The following PHF20L1 variants were observed in gnomAD, a reference collection of about 807,000 sequenced individuals.
PHF20L1 encodes the protein PHD finger protein 20 like 1.
Under a neutral mutation model 125.5 loss-of-function variants are expected in PHF20L1, and 44 were observed. The observed-to-expected ratio is 0.35, with a 90% CI of 0.28 to 0.45. The LOEUF is 0.45. Among genes scored for constraint, PHF20L1 ranks in the 20% least tolerant of loss-of-function variants. The pLI, the probability that PHF20L1 is intolerant of heterozygous loss-of-function variation, is 1.00. For missense variants in PHF20L1, 1,012 were observed against 1,217.2 expected, an observed-to-expected ratio of 0.83 and a Z score of 2.51; for synonymous variants, 380 against 403.1, an observed-to-expected ratio of 0.94 and a Z score of 0.69.
Position 132,845,877 on chromosome 8 carries a change from T to C in PHF20L1, c.3008T>C (p.Ile1003Thr). The change falls in exon 21 of 21, where the codon ATT becomes ACT. Residue 1003 changes from isoleucine to threonine, a missense_variant. This residue lies in a region of PHF20L1 where 277 missense variants were observed against 283.6 expected (regional missense o/e 0.98). Transcript: ENST00000395386. ...QLKRHIKQLL[I>T]DMGKVQQIAT... ...AAACGCCACATAAAACAGCTCCTAATTGACATGGGCAAAGTACAGCAGATA... is the reference window on the plus strand; with the variant it reads ...AAACGCCACATAAAACAGCTCCTAACTGACATGGGCAAAGTACAGCAGATA... 6.2e-7 allele frequency: 1 copy of C among 1,612,610 alleles called. No individual in the cohort carries two copies. Among genetic ancestry groups the C allele is most frequent in the Non-Finnish European group, 8.5e-7 (1 of 1,178,930 alleles).
chr8:132,839,367 A>G lies in PHF20L1; in HGVS notation c.2192-20A>G, dbSNP rs1308444854. ...GAGTAAGTGCAGTCCTCTGTGATTT[A>G]ATATCAACTTCATCTGCAGGTCAGA... On this transcript the variant is annotated intron_variant, in intron 17 of 20. Transcript: ENST00000395386. The G allele has an allele frequency of 1.3e-6, 2 of 1,586,482 alleles. No individual in the cohort carries two copies. Among genetic ancestry groups the G allele is most frequent in the Admixed American group, 1.7e-5 (1 of 59,766 alleles).
chr8:132,831,220 T>C (rs1007477059), intron 14 of PHF20L1, among the ~76,000 whole-genome samples: 1 of 152,002 alleles, frequency 6.6e-6, no homozygotes, highest in African/African-American at 2.4e-5. Flanking sequence ...GGTAAAACTT[T>C]TTAAAAAAAG....
intron 15 of PHF20L1, among the ~76,000 whole-genome samples, chr8:132,832,776 A>C (rs1482068333): frequency 2.6e-5 from 4 of 152,148 alleles, no homozygotes; most frequent in Non-Finnish European, 5.9e-5. Flanking sequence ...AACTCTAACC[A>C]AGGTCTGTCT....
chr8:132,839,899 T>C (rs1837756204), intron 18 of PHF20L1, among the ~76,000 whole-genome samples: 1 of 152,118 alleles, frequency 6.6e-6, no homozygotes, highest in African/African-American at 2.4e-5. Flanking sequence ...GTGAACCCTA[T>C]ACGTTGTGTC....
At chr8:132,797,160 T>A (rs1235878613) in intron 4 of PHF20L1, among the ~76,000 whole-genome samples, 2 of 152,038 alleles carry the variant, frequency 1.3e-5, no homozygotes, top group African/African-American at 4.8e-5. Flanking sequence ...GCAGATACTA[T>A]TTGTTTTCTG....
chr8:132,814,418 AT>A (rs1253464847), intron 9 of PHF20L1, among the ~76,000 whole-genome samples: 2 of 151,960 alleles, frequency 1.3e-5, no homozygotes, highest in Admixed American at 6.6e-5. Flanking sequence ...TAAAAAATGA[AT>A]TTAGACTGAA....
At chr8:132,789,927 AT>A (rs1352658886) in intron 2 of PHF20L1, among the ~76,000 whole-genome samples, 1 of 151,908 alleles carries the variant, frequency 6.6e-6, no homozygotes, top group Non-Finnish European at 1.5e-5. Context: ...AGCTATGGTT[AT>A]TTTCTTTTCT....
At chr8:132,809,236 G>C (rs1225533750) in intron 8 of PHF20L1, 1 of 151,966 alleles carries the variant, frequency 6.6e-6, no homozygotes, top group East Asian at 1.9e-4. Context: ...GTGCCATCTC[G>C]GCTCACTGCA....
chr8:132,795,897 T>C (rs756552281), intron 4 of PHF20L1, among the ~76,000 whole-genome samples: 4 of 152,084 alleles, frequency 2.6e-5, no homozygotes, highest in Non-Finnish European at 5.9e-5. Flanking sequence ...TCTTCCTTCC[T>C]CTCTCTCTCA....
chr8:132,821,263 A>G (rs943127578), intron 12 of PHF20L1, among the ~76,000 whole-genome samples: 26 of 151,950 alleles, frequency 1.7e-4, no homozygotes, highest in Non-Finnish European at 2.4e-4. Flanking sequence ...CATAGATGAG[A>G]TAGTTGGACT....
chr8:132,780,767 A>C (rs80046813), intron 2 of PHF20L1, among the ~76,000 whole-genome samples: 40 of 152,308 alleles, frequency 2.6e-4, no homozygotes, highest in Non-Finnish European at 5.0e-4. Flanking sequence ...ATGTTGATAA[A>C]TCACCTTTTG....
chr8:132,802,692 GAGTT>G (rs1256642589), intron 6 of PHF20L1, among the ~76,000 whole-genome samples: 8 of 151,946 alleles, frequency 5.3e-5, no homozygotes, highest in Admixed American at 4.6e-4. Flanking sequence ...ATGAGAGAAA[GAGTT>G]AGAAATACAG....
chr8:132,839,739 C>A (rs1000644825), intron 18 of PHF20L1, among the ~76,000 whole-genome samples, 157 bp downstream of exon 18: 8 of 152,030 alleles, frequency 5.3e-5, no homozygotes, highest in Non-Finnish European at 8.8e-5. Context: ...GATTAACAAC[C>A]TTTTGGATGC....
At chr8:132,812,603 A>AT (rs1586959766) in intron 9 of PHF20L1, 3 of 983,362 alleles carry the variant, frequency 3.1e-6, no homozygotes, top group Non-Finnish European at 3.6e-6. Flanking sequence ...CAGGAACACC[A>AT]TGCCATTCCC....
chr8:132,840,085 G>A (rs527730499), intron 18 of PHF20L1, among the ~76,000 whole-genome samples: 3 of 152,212 alleles, frequency 2.0e-5, no homozygotes, highest in South Asian at 2.1e-4. Flanking sequence ...TTTAAAGAAC[G>A]TATCAGAATA....
chr8:132,832,180 T>C (rs1836851805), intron 14 of PHF20L1, 55 bp from the exon 15 acceptor site: 2 of 1,109,480 alleles, frequency 1.8e-6, no homozygotes, highest in South Asian at 2.7e-5. Flanking sequence ...ATTTTTATAG[T>C]GACCTTAATT....
chr8:132,806,265 C>CA (rs1159267690), intron 8 of PHF20L1: 1 of 151,744 alleles, frequency 6.6e-6, no homozygotes, highest in Non-Finnish European at 1.5e-5. Flanking sequence ...GTAAAAAAAA[C>CA]AAAAAACTAC....
In PHF20L1 at chr8:132,842,512, A is replaced by G. The variant is rs754594765; in HGVS notation, c.2388-3A>G. ...ACTGCTGTTTTTCCAACTTTGTTTT[A>G]AGGAATAAACATCATCCTGACCTTC... On this transcript the variant is annotated splice_polypyrimidine_tract_variant and splice_region_variant and intron_variant, in intron 18 of 20. Transcript: ENST00000395386. 18 of 1,557,356 alleles carry G rather than the reference A, an allele frequency of 1.2e-5. No homozygotes were observed. The highest frequency in any genetic ancestry group is 1.6e-5 in the Non-Finnish European group (18 of 1,158,118).
At chr8:132,811,641 G>C in intron 9 of PHF20L1, 2 of 984,374 alleles carry the variant, frequency 2.0e-6, no homozygotes, top group Non-Finnish European at 2.4e-6. Flanking sequence ...TTAAGGGTCT[G>C]TCTTTAAACC....
Sources: allele counts gnomAD v4.1 joint callset (sites outside exome capture counted in the v4.1 genomes callset), GRCh38; gene constraint gnomAD v4.1.1; regional missense constraint gnomAD v4.1.1; transcripts MANE v1.5; gene names NCBI Gene and HGNC (gene_info 2026-07-23, HGNC 2026-07-21).